The following ARL8B variants were observed in gnomAD, a reference collection of about 807,000 sequenced individuals.
ARL8B encodes ADP-ribosylation factor-like protein 8B.
A neutral mutation model predicts 30.6 loss-of-function variants in ARL8B; 9 were observed. The ratio of observed to expected loss-of-function variants is 0.29; its 90% confidence interval spans 0.18 to 0.51. The LOEUF (loss-of-function observed/expected upper bound fraction) is 0.51. ARL8B is among the 20% of genes least tolerant of loss of function. ARL8B has a pLI of 0.97. For synonymous variants in ARL8B, 74 were observed against 76.0 expected (o/e 0.97, Z 0.14); for missense variants, 130 against 227.2 (o/e 0.57, Z 2.75).
chr3:5,132,838 A>G (rs1575559471), intron 1 of ARL8B, among the ~76,000 whole-genome samples: 1 of 152,230 alleles, frequency 6.6e-6, no homozygotes, highest in Non-Finnish European at 1.5e-5. Context: ...GGAGAGGAAT[A>G]TTAAGTGCCT....
intron 1 of ARL8B, among the ~76,000 whole-genome samples, chr3:5,147,042 CT>C (rs1173743617): frequency 6.7e-6 from 1 of 150,242 alleles, no homozygotes; most frequent in Admixed American, 6.6e-5. Flanking sequence ...TTGATTTATA[CT>C]TTAAGTTCTA....
At chr3:5,122,680 G>A (rs2054192307) in intron 1 of ARL8B, 92 bp downstream of exon 1, 1 of 1,388,112 alleles carries the variant, frequency 7.2e-7, no homozygotes, top group South Asian at 1.4e-5. Flanking sequence ...CCCCCTCGGC[G>A]CGATGGGACT....
chr3:5,139,717 T>C (rs528207111), intron 1 of ARL8B, among the ~76,000 whole-genome samples: 2 of 152,318 alleles, frequency 1.3e-5, no homozygotes, highest in African/African-American at 4.8e-5. Flanking sequence ...GTGCTTGTCA[T>C]CAGCTGTATT....
At chr3:5,150,345 C>G (rs574567727) in intron 1 of ARL8B, among the ~76,000 whole-genome samples, 21 of 151,780 alleles carry the variant, frequency 1.4e-4, no homozygotes, top group African/African-American at 4.8e-4. Flanking sequence ...CGCCTGTAAT[C>G]CCAGCTACTC....
intron 2 of ARL8B, 72 bp from the exon 3 acceptor site, chr3:5,172,078 T>C (rs1349527328): frequency 7.1e-7 from 1 of 1,401,098 alleles, no homozygotes; most frequent in Non-Finnish European, 1.0e-6. Context: ...TCTTTCTTTT[T>C]TTCTGTTACT....
chr3:5,123,337 A>G (rs964904475), intron 1 of ARL8B, among the ~76,000 whole-genome samples: 4 of 152,228 alleles, frequency 2.6e-5, no homozygotes, highest in African/African-American at 9.6e-5. Flanking sequence ...AAAAGAAGGT[A>G]CTGGGCAGGA....
intron 1 of ARL8B, among the ~76,000 whole-genome samples, chr3:5,168,493 G>T (rs6803009): frequency 6.6e-6 from 1 of 152,076 alleles, no homozygotes; most frequent in Non-Finnish European, 1.5e-5. Context: ...AGCAGTAGCA[G>T]CTGAGTTACA....
At chr3:5,156,196 C>A (rs1310580773) in intron 1 of ARL8B, among the ~76,000 whole-genome samples, 1 of 152,176 alleles carries the variant, frequency 6.6e-6, no homozygotes, top group African/African-American at 2.4e-5. Context: ...AGCCCCCGCA[C>A]TTGGCCTAAG....
intron 1 of ARL8B, among the ~76,000 whole-genome samples, chr3:5,140,043 G>A (rs1049044438): frequency 4.7e-5 from 7 of 147,614 alleles, no homozygotes; most frequent in Admixed American, 2.0e-4. Context: ...CTGGAGTGCA[G>A]TGGCACCATC....
chr3:5,173,911 G>T (rs1201792052), intron 4 of ARL8B, 106 bp from the exon 5 acceptor site: 6 of 850,242 alleles, frequency 7.1e-6, no homozygotes, highest in Non-Finnish European at 1.2e-5. Context: ...TTAACATTGT[G>T]GAATGTGTTA....
At chr3:5,142,431 G>C (rs373992517) in intron 1 of ARL8B, among the ~76,000 whole-genome samples, 1 of 151,984 alleles carries the variant, frequency 6.6e-6, no homozygotes, top group Admixed American at 6.6e-5. Context: ...TTCCCCATGC[G>C]TCCTTGTCCT....
At chr3:5,159,510 G>T (rs1414593681) in intron 1 of ARL8B, among the ~76,000 whole-genome samples, 1 of 147,950 alleles carries the variant, frequency 6.8e-6, no homozygotes, top group Non-Finnish European at 1.5e-5. Flanking sequence ...GCTGAGGCAG[G>T]AGAATCCCTT....
In ARL8B at chr3:5,175,659, C is replaced by G. The variant is rs571395905; in HGVS notation, c.511+1245C>G. On this transcript the variant is annotated intron_variant, in intron 6 of 6. Transcript: ENST00000256496. ...CTTAAGTCATTCAAAATTCTAGAGG[C>G]TGGAAGTCCAAAATCAAGTTGTCAG... is the stretch of plus-strand genomic sequence containing the variant. Among the ~76,000 whole-genome samples, 9 of 152,320 alleles carry G rather than the reference C, an allele frequency of 5.9e-5. No individual in the cohort carries two copies. In the South Asian group the frequency reaches 6.2e-4, roughly 11 times the overall value.
At chr3:5,157,187 CA>C (rs1217127941) in intron 1 of ARL8B, among the ~76,000 whole-genome samples, 1 of 151,932 alleles carries the variant, frequency 6.6e-6, no homozygotes, top group Non-Finnish European at 1.5e-5. Flanking sequence ...ATGTGCCACA[CA>C]GGGGTCAACC....
intron 1 of ARL8B, among the ~76,000 whole-genome samples, chr3:5,143,433 C>A (rs536423681): frequency 1.3e-5 from 2 of 152,194 alleles, no homozygotes; most frequent in Non-Finnish European, 2.9e-5. Context: ...ATAGAGCCAA[C>A]GTGCAATCCA....
intron 2 of ARL8B, 128 bp from the exon 3 acceptor site, chr3:5,172,022 G>T: frequency 1.2e-6 from 1 of 810,700 alleles, no homozygotes; most frequent in East Asian, 2.6e-5. Context: ...AAGTCTTTCA[G>T]GAGCACTTTG....
intron 1 of ARL8B, among the ~76,000 whole-genome samples, chr3:5,159,714 T>G (rs1371009510): frequency 6.6e-6 from 1 of 151,648 alleles, no homozygotes; most frequent in African/African-American, 2.4e-5. Context: ...CCTTTTTAAG[T>G]TCAGTAATAG....
At chr3:5,163,708 A>G (rs918067757) in intron 1 of ARL8B, among the ~76,000 whole-genome samples, 1 of 152,176 alleles carries the variant, frequency 6.6e-6, no homozygotes, top group Admixed American at 6.5e-5. Flanking sequence ...CGTCTCTACT[A>G]AAAATACAAA....
At chr3:5,150,175 A>T (rs1271224469) in intron 1 of ARL8B, among the ~76,000 whole-genome samples, 2 of 151,992 alleles carry the variant, frequency 1.3e-5, no homozygotes, top group Non-Finnish European at 2.9e-5. Flanking sequence ...TGTTTGGTAG[A>T]ATTAGGGCTG....
Sources: allele counts gnomAD v4.1 joint callset (sites outside exome capture counted in the v4.1 genomes callset), GRCh38; gene constraint gnomAD v4.1.1; transcripts MANE v1.5; gene names NCBI Gene and HGNC (gene_info 2026-07-23, HGNC 2026-07-21).